Variants in SEMA6D observed in about 807,000 individuals in gnomAD.
The protein encoded by SEMA6D is semaphorin-6D.
Under a neutral mutation model 106.6 loss-of-function variants are expected in SEMA6D, and 35 were observed. The observed-to-expected ratio is 0.33, with a 90% CI of 0.25 to 0.44. The LOEUF is 0.44. SEMA6D is among the 20% of genes least tolerant of loss of function. SEMA6D has a pLI of 1.00. For missense variants in SEMA6D, 1,185 were observed against 1,345.9 expected, an observed-to-expected ratio of 0.88 and a Z score of 1.87; for synonymous variants, 499 against 487.7, an observed-to-expected ratio of 1.02 and a Z score of -0.31.
intron 4 of SEMA6D, among the ~76,000 whole-genome samples, chr15:47,625,218 A>C (rs550198679): frequency 1.3e-5 from 2 of 152,304 alleles, no homozygotes; most frequent in South Asian, 4.1e-4. Flanking sequence ...TCTGAGCCAA[A>C]ACCCAGTACC....
chr15:47,288,026 G>A (rs943991775), intron 1 of SEMA6D, among the ~76,000 whole-genome samples: 4 of 152,090 alleles, frequency 2.6e-5, no homozygotes, highest in African/African-American at 4.8e-5. Flanking sequence ...GCGGGGTGGG[G>A]GCACACACTT....
intron 1 of SEMA6D, among the ~76,000 whole-genome samples, chr15:47,335,113 G>C (rs1441714404): frequency 6.6e-6 from 1 of 152,018 alleles, no homozygotes; most frequent in African/African-American, 2.4e-5. Flanking sequence ...CAAGAAGTTA[G>C]TCAGTATGGG....
intron 1 of SEMA6D, among the ~76,000 whole-genome samples, chr15:47,206,052 T>C (rs1895037747): frequency 6.6e-6 from 1 of 152,224 alleles, no homozygotes; most frequent in African/African-American, 2.4e-5. Flanking sequence ...TCTTCATTAG[T>C]TTCCTTCATT....
intron 1 of SEMA6D, among the ~76,000 whole-genome samples, chr15:47,289,442 G>A (rs971930347): frequency 6.8e-6 from 1 of 147,746 alleles, no homozygotes; most frequent in African/African-American, 2.5e-5. Context: ...ATTCAGTTCA[G>A]CATATTTGTT....
chr15:47,459,183 T>A (rs1021156436), intron 2 of SEMA6D, among the ~76,000 whole-genome samples: 7 of 152,094 alleles, frequency 4.6e-5, no homozygotes, highest in African/African-American at 7.2e-5. Context: ...GCTTGATGAA[T>A]TGAGTGACCA....
intron 1 of SEMA6D, among the ~76,000 whole-genome samples, chr15:47,722,040 C>T (rs1052638311): frequency 6.6e-6 from 1 of 152,136 alleles, no homozygotes; most frequent in East Asian, 1.9e-4. Context: ...ACACCCAGAA[C>T]GGGAAGTTTC....
intron 1 of SEMA6D, among the ~76,000 whole-genome samples, chr15:47,314,910 GGC>G (rs1354647307): frequency 7.9e-6 from 1 of 126,914 alleles, no homozygotes; most frequent in East Asian, 2.7e-4. Context: ...CTGTGGCCCA[GGC>G]GAGAGTGCAG....
At chr15:47,508,881 G>A (rs1254790143) in intron 3 of SEMA6D, among the ~76,000 whole-genome samples, 2 of 152,052 alleles carry the variant, frequency 1.3e-5, no homozygotes, top group African/African-American at 4.8e-5. Flanking sequence ...AAACATTCCT[G>A]TTGTGAGAAT....
intron 4 of SEMA6D, among the ~76,000 whole-genome samples, chr15:47,675,844 A>C (rs937256537): frequency 2.0e-5 from 3 of 149,576 alleles, no homozygotes; most frequent in Non-Finnish European, 4.5e-5. Flanking sequence ...CCTGTACTGC[A>C]GGGAAGCTGG....
chr15:47,240,571 G>A (rs1315243177), intron 1 of SEMA6D, among the ~76,000 whole-genome samples: 1 of 152,004 alleles, frequency 6.6e-6, no homozygotes, highest in Non-Finnish European at 1.5e-5. Flanking sequence ...TGTACATCGT[G>A]CATTGGGATC....
At chr15:47,375,691 GA>G (rs1567036771) in intron 1 of SEMA6D, among the ~76,000 whole-genome samples, 1 of 152,170 alleles carries the variant, frequency 6.6e-6, no homozygotes, top group African/African-American at 2.4e-5. Flanking sequence ...CAAAGAAAAA[GA>G]AGTGGATTTA....
intron 4 of SEMA6D, among the ~76,000 whole-genome samples, chr15:47,619,751 A>G (rs2077066921): frequency 6.6e-6 from 1 of 152,222 alleles, no homozygotes; most frequent in Admixed American, 6.5e-5. Flanking sequence ...TTGAGGCACC[A>G]AAATGAAATG....
chr15:47,434,671 G>A (rs928951651), intron 2 of SEMA6D, among the ~76,000 whole-genome samples: 7 of 152,116 alleles, frequency 4.6e-5, no homozygotes, highest in Admixed American at 4.6e-4. Flanking sequence ...ATCCTACACA[G>A]CACATAAATA....
chr15:47,454,462 C>A (rs1261378402), intron 2 of SEMA6D, among the ~76,000 whole-genome samples: 1 of 151,896 alleles, frequency 6.6e-6, no homozygotes, highest in Non-Finnish European at 1.5e-5. Context: ...ATGAGGACTG[C>A]ATGGCATCTT....
At chr15:47,537,605 G>A (rs1311701578) in intron 3 of SEMA6D, among the ~76,000 whole-genome samples, 1 of 152,190 alleles carries the variant, frequency 6.6e-6, no homozygotes, top group African/African-American at 2.4e-5. Flanking sequence ...TGGCTCAAAT[G>A]CTCTGCCGTG....
At chr15:47,277,612 A>ATT (rs1261643727) in intron 1 of SEMA6D, among the ~76,000 whole-genome samples, 3 of 115,372 alleles carry the variant, frequency 2.6e-5, no homozygotes, top group East Asian at 2.1e-4. Flanking sequence ...TATTATTATT[A>ATT]TTTATTATTA....
intron 17 of SEMA6D, among the ~76,000 whole-genome samples, chr15:47,767,979 C>G (rs1479622973): frequency 6.6e-6 from 1 of 152,158 alleles, no homozygotes; most frequent in Non-Finnish European, 1.5e-5. Context: ...GGAGAGAGTA[C>G]AAGCAAAGTC....
intron 1 of SEMA6D, among the ~76,000 whole-genome samples, chr15:47,196,044 C>T (rs1217176668): frequency 6.8e-6 from 1 of 148,004 alleles, no homozygotes; most frequent in South Asian, 2.1e-4. Flanking sequence ...TTTTTGGAGA[C>T]GTGAGAACAG....
At chr15:47,332,359 C>A (rs986461348) in intron 1 of SEMA6D, among the ~76,000 whole-genome samples, 2 of 152,120 alleles carry the variant, frequency 1.3e-5, no homozygotes, top group Non-Finnish European at 2.9e-5. Flanking sequence ...AGGCAGGCTG[C>A]TGAAATGTTG....
Sources: allele counts gnomAD v4.1 joint callset (sites outside exome capture counted in the v4.1 genomes callset), GRCh38; gene constraint gnomAD v4.1.1; transcripts MANE v1.5; gene names NCBI Gene and HGNC (gene_info 2026-07-23, HGNC 2026-07-21).